The following RGPD2 variants were observed in gnomAD, a reference collection of about 807,000 sequenced individuals.
The protein encoded by RGPD2 is RANBP2 like and GRIP domain containing 2.
In RGPD2, 2 loss-of-function variants were observed where a neutral mutation model predicts 36.0. That is an observed-to-expected ratio of 0.06 (90% confidence interval 0.02 to 0.17). The LOEUF (loss-of-function observed/expected upper bound fraction) is 0.17, where lower values mean the gene tolerates loss of function less well. Ranked by LOEUF, RGPD2 falls within the 10% of genes least tolerant of loss-of-function variation. The pLI is 1.00. For missense variants in RGPD2, 40 were observed against 464.3 expected (o/e 0.09, Z 8.40); for synonymous variants, 19 against 163.8 (o/e 0.12, Z 6.75).
chr2:87,911,596 T>C, the RGPD2 span, among the ~76,000 whole-genome samples: 2 of 151,996 alleles, frequency 1.3e-5, no homozygotes, highest in East Asian at 1.9e-4. Context: ...TTATGTACTA[T>C]TGATTAGGAA....
chr2:87,763,081 C>T (rs984520844), intron 22 of RGPD2, among the ~76,000 whole-genome samples: 3 of 47,356 alleles, frequency 6.3e-5, no homozygotes, highest in East Asian at 6.5e-4. Context: ...TTAGCAGTGA[C>T]TCTTTAGAAA....
chr2:87,974,907 A>G, the RGPD2 span, among the ~76,000 whole-genome samples: 2 of 151,748 alleles, frequency 1.3e-5, no homozygotes, highest in Admixed American at 1.3e-4. Context: ...TTACCATACT[A>G]CTCATTTACC....
the RGPD2 span, among the ~76,000 whole-genome samples, chr2:87,957,257 A>C: frequency 4.2e-5 from 6 of 141,462 alleles, no homozygotes; most frequent in Non-Finnish European, 7.6e-5. Flanking sequence ...TCTCATTATG[A>C]GATTTATAAG....
chr2:87,877,170 T>A, the RGPD2 span, among the ~76,000 whole-genome samples: 1 of 151,836 alleles, frequency 6.6e-6, no homozygotes, highest in Admixed American at 6.6e-5. Context: ...TGCCATTCTG[T>A]GTCTTTTAAT....
chr2:87,955,205 A>G, the RGPD2 span, among the ~76,000 whole-genome samples: 21,496 of 134,686 alleles, frequency 0.16, 2,028 homozygotes, highest in Non-Finnish European at 0.22. Context: ...TAGTAGAGAC[A>G]GGGTTTCACC....
chr2:87,822,259 T>C (rs1220265779), intron 1 of RGPD2, among the ~76,000 whole-genome samples: 1 of 151,812 alleles, frequency 6.6e-6, no homozygotes, highest in Non-Finnish European at 1.5e-5. Context: ...AAGAGAAAAA[T>C]TAGAGAAACT....
chr2:87,970,351 G>A, the RGPD2 span, among the ~76,000 whole-genome samples: 2 of 150,794 alleles, frequency 1.3e-5, no homozygotes, highest in South Asian at 2.1e-4. Context: ...ATATAAAGAC[G>A]TTAGAGGAAG....
Position 87,781,661 on chromosome 2 carries a change from C to A in RGPD2, c.4900+463G>T, listed in dbSNP as rs1039805601. On this transcript the variant is annotated intron_variant, in intron 20 of 22. Transcript: ENST00000398146. ...ATTTTCAGTAGAAACAGGGTTTCACCACATTGGCCAGGCTGGTCTCGAACT... is the reference window on the plus strand; with the variant it reads ...ATTTTCAGTAGAAACAGGGTTTCACAACATTGGCCAGGCTGGTCTCGAACT... Among the ~76,000 whole-genome samples the A allele has an allele frequency of 2.0e-4, 30 of 150,758 alleles. 1 individual carries two copies. Among genetic ancestry groups the A allele is most frequent in the Non-Finnish European group, 3.7e-4 (25 of 67,684 alleles).
At chr2:87,965,025 G>T in the RGPD2 span, among the ~76,000 whole-genome samples, 1 of 151,308 alleles carries the variant, frequency 6.6e-6, no homozygotes, top group Non-Finnish European at 1.5e-5. Flanking sequence ...AATACTGTCT[G>T]CTCACACTGG....
the RGPD2 span, among the ~76,000 whole-genome samples, chr2:87,864,567 A>G: frequency 0.035 from 5,237 of 150,644 alleles, 11 homozygotes; most frequent in African/African-American, 0.055. Flanking sequence ...ATAGCTAGAC[A>G]TAGATAGATG....
chr2:87,986,650 T>C, the RGPD2 span, among the ~76,000 whole-genome samples: 183 of 151,546 alleles, frequency 1.2e-3, 1 homozygote, highest in Non-Finnish European at 2.0e-3. Context: ...GAGGTCAAGG[T>C]GGGTGGATCA....
chr2:87,937,195 A>C, the RGPD2 span, among the ~76,000 whole-genome samples: 1 of 151,862 alleles, frequency 6.6e-6, no homozygotes, highest in African/African-American at 2.4e-5. Context: ...GAGTCAGAAA[A>C]AGCCGGTAGA....
chr2:87,878,209 G>A, the RGPD2 span, among the ~76,000 whole-genome samples: 357 of 152,186 alleles, frequency 2.3e-3, no homozygotes, highest in East Asian at 0.058. Context: ...TATTTCATGC[G>A]ACTTTTTTCA....
chr2:87,915,860 C>G, the RGPD2 span, among the ~76,000 whole-genome samples: 1 of 151,210 alleles, frequency 6.6e-6, no homozygotes, highest in Non-Finnish European at 1.5e-5. Context: ...GTATACATAG[C>G]ACTAATCACA....
chr2:87,988,542 T>TATATATATATATATATATATATATA, the RGPD2 span, among the ~76,000 whole-genome samples: 168 of 37,316 alleles, frequency 4.5e-3, 5 homozygotes, highest in South Asian at 8.2e-3. Context: ...TATATATATA[T>TATATATATATATATATATATATATA]TTTTTTTTTT....
the RGPD2 span, among the ~76,000 whole-genome samples, chr2:87,928,899 G>T: frequency 3.3e-5 from 5 of 150,454 alleles, no homozygotes; most frequent in Non-Finnish European, 7.4e-5. Context: ...AATGAGGTGG[G>T]TTTTTTTTTC....
the RGPD2 span, among the ~76,000 whole-genome samples, chr2:87,922,217 C>T: frequency 6.4e-5 from 9 of 140,306 alleles, no homozygotes; most frequent in South Asian, 2.4e-4. Flanking sequence ...TGCTTGAACC[C>T]GGGAGGCGGA....
chr2:87,911,832 C>T, the RGPD2 span, among the ~76,000 whole-genome samples: 1 of 151,532 alleles, frequency 6.6e-6, no homozygotes, highest in Non-Finnish European at 1.5e-5. Context: ...AGTTTGAAAA[C>T]AACTTCAAAT....
chr2:87,921,130 T>G, the RGPD2 span, among the ~76,000 whole-genome samples: 19 of 150,564 alleles, frequency 1.3e-4, no homozygotes, highest in African/African-American at 3.2e-4. Flanking sequence ...TGTCAACTGA[T>G]TTTGAACTGA....
Sources: gnomAD v4.1 joint callset for allele counts (sites outside exome capture counted in the v4.1 genomes callset) on GRCh38, gnomAD v4.1.1 for gene constraint, MANE v1.5 for transcripts, NCBI Gene and HGNC (gene_info 2026-07-23, HGNC 2026-07-21) for gene names.